PTPRT: variants seen among roughly 807,000 people sequenced by gnomAD.
PTPRT encodes the protein protein tyrosine phosphatase receptor type T, also known as receptor-type tyrosine-protein phosphatase T.
PTPRT carries 56 observed loss-of-function variants against 176.8 expected under a neutral mutation model. The observed-to-expected ratio is 0.32, with a 90% CI of 0.26 to 0.40. PTPRT has a LOEUF of 0.40. Ranked by LOEUF, PTPRT falls within the 10% of genes least tolerant of loss-of-function variation. The pLI is 1.00. For missense variants in PTPRT, 1,540 were observed against 1,908.2 expected (o/e 0.81, Z 3.60); for synonymous variants, 783 against 739.0 (o/e 1.06, Z -0.96).
chr20:42,068,668 A>G (rs546598625), downstream of PTPRT, among the ~76,000 whole-genome samples: 22 of 152,230 alleles, frequency 1.4e-4, no homozygotes, highest in Non-Finnish European at 3.1e-4. Flanking sequence ...GCAGCAAAAC[A>G]TGATTCAGCA....
intron 15 of PTPRT, among the ~76,000 whole-genome samples, chr20:42,215,877 A>C (rs2055756927): frequency 6.6e-6 from 1 of 152,082 alleles, no homozygotes; most frequent in Non-Finnish European, 1.5e-5. Flanking sequence ...GCAGCTCCCT[A>C]TATAGGGCCA....
chr20:42,541,855 A>G (rs1205787616), intron 7 of PTPRT, among the ~76,000 whole-genome samples: 1 of 150,762 alleles, frequency 6.6e-6, no homozygotes, highest in East Asian at 1.9e-4. Context: ...AAATTTTAAA[A>G]AAATCTGTGT....
At chr20:42,670,817 G>C (rs1320734680) in intron 7 of PTPRT, among the ~76,000 whole-genome samples, 1 of 152,150 alleles carries the variant, frequency 6.6e-6, no homozygotes, top group Non-Finnish European at 1.5e-5. Context: ...GAGTGGCCTG[G>C]GGTCTGCGTC....
At chr20:42,460,859 T>A (rs1169690144) in intron 8 of PTPRT, among the ~76,000 whole-genome samples, 1 of 152,192 alleles carries the variant, frequency 6.6e-6, no homozygotes, top group Non-Finnish European at 1.5e-5. Context: ...TACACAGTTT[T>A]AACCAGTTCT....
downstream of PTPRT, among the ~76,000 whole-genome samples, chr20:42,069,477 G>A (rs1982228804): frequency 6.6e-6 from 1 of 152,150 alleles, no homozygotes; most frequent in African/African-American, 2.4e-5. Context: ...TATATGGCAG[G>A]TCTTGGGGTA....
chr20:42,884,984 G>A (rs956884883), intron 2 of PTPRT, among the ~76,000 whole-genome samples: 5 of 151,806 alleles, frequency 3.3e-5, no homozygotes, highest in East Asian at 3.9e-4. Context: ...CCTCCTTTGG[G>A]TACTTCCCCT....
At chr20:43,046,331 G>C (rs112786052) in intron 1 of PTPRT, among the ~76,000 whole-genome samples, 1,686 of 152,158 alleles carry the variant, frequency 0.011, 16 homozygotes, top group Non-Finnish European at 0.017. Flanking sequence ...CAGCACTTTG[G>C]GAGGCTGAGG....
intron 11 of PTPRT, among the ~76,000 whole-genome samples, chr20:42,323,689 C>G (rs2057839429): frequency 6.6e-6 from 1 of 151,922 alleles, no homozygotes. Flanking sequence ...TACAGCACAC[C>G]AGCATGGCAC....
chr20:42,230,673 T>G (rs1462219177), intron 15 of PTPRT, among the ~76,000 whole-genome samples: 2 of 152,184 alleles, frequency 1.3e-5, no homozygotes, highest in Admixed American at 6.5e-5. Flanking sequence ...ACCGCTATTA[T>G]CATGATTTTC....
chr20:42,674,830 C>T (rs896979604), intron 7 of PTPRT, among the ~76,000 whole-genome samples: 14 of 152,018 alleles, frequency 9.2e-5, no homozygotes, highest in African/African-American at 2.7e-4. Flanking sequence ...CATACTACCA[C>T]GATACACCAC....
At chr20:42,622,948 C>G (rs577637246) in intron 7 of PTPRT, among the ~76,000 whole-genome samples, 13 of 152,296 alleles carry the variant, frequency 8.5e-5, no homozygotes, top group Non-Finnish European at 1.8e-4. Flanking sequence ...GCTATGTCCC[C>G]CTATCTTGCA....
chr20:42,729,540 G>A (rs973954101), intron 6 of PTPRT, among the ~76,000 whole-genome samples: 2 of 152,226 alleles, frequency 1.3e-5, no homozygotes, highest in African/African-American at 4.8e-5. Context: ...ACAAGCCAGA[G>A]TTACGGGACT....
In PTPRT at chr20:43,130,467, G is replaced by C. The variant is rs2013610227; in HGVS notation, c.88+59179C>G. Among the ~76,000 whole-genome samples the C allele has an allele frequency of 2.0e-5, 3 of 152,086 alleles. No individual in the cohort carries two copies. In the South Asian group the frequency reaches 6.2e-4, roughly 32 times the overall value. On this transcript the variant is annotated intron_variant, in intron 1 of 30. Transcript: ENST00000373187. The stretch of plus-strand genomic sequence containing the variant: ...ACCCATGACCTACACAACAGCCACA[G>C]GATTCAAGAGAACATTCACCTACCA...
chr20:42,466,807 C>T (rs145148626), intron 8 of PTPRT, among the ~76,000 whole-genome samples: 5 of 152,182 alleles, frequency 3.3e-5, no homozygotes, highest in Non-Finnish European at 7.4e-5. Context: ...AATACCACTC[C>T]CCATTGAAAG....
chr20:42,951,236 T>C (rs1981223015), intron 1 of PTPRT, among the ~76,000 whole-genome samples: 1 of 151,988 alleles, frequency 6.6e-6, no homozygotes, highest in African/African-American at 2.4e-5. Context: ...TATGGATGGA[T>C]GCTTGGATTC....
the PTPRT span, among the ~76,000 whole-genome samples, chr20:42,045,677 T>C: frequency 6.6e-6 from 1 of 151,510 alleles, no homozygotes; most frequent in Admixed American, 6.6e-5. Flanking sequence ...TTTTAAACAG[T>C]ACTATTATTG....
chr20:42,317,085 T>C (rs562525140), intron 11 of PTPRT, among the ~76,000 whole-genome samples: 1 of 152,170 alleles, frequency 6.6e-6, no homozygotes, highest in South Asian at 2.1e-4. Context: ...CAATGAATGC[T>C]TGTTCAAATG....
chr20:43,098,458 A>C (rs1353240800), intron 1 of PTPRT, among the ~76,000 whole-genome samples: 2 of 152,132 alleles, frequency 1.3e-5, no homozygotes, highest in Admixed American at 1.3e-4. Context: ...CCAATCCCCT[A>C]AGAGTGCCAG....
intron 1 of PTPRT, among the ~76,000 whole-genome samples, chr20:42,895,990 G>A (rs544873421): frequency 4.8e-4 from 73 of 152,172 alleles, no homozygotes; most frequent in African/African-American, 1.6e-3. Context: ...GTTTCTTCCC[G>A]TCTCTGGGAA....
Sources: allele counts gnomAD v4.1 joint callset (sites outside exome capture counted in the v4.1 genomes callset), GRCh38; gene constraint gnomAD v4.1.1; transcripts MANE v1.5; gene names NCBI Gene and HGNC (gene_info 2026-07-23, HGNC 2026-07-21).